Variants in ACCSL observed in about 807,000 individuals in gnomAD.
ACCSL encodes the protein 1-aminocyclopropane-1-carboxylate synthase homolog (inactive) like.
Under a neutral mutation model 61.7 loss-of-function variants are expected in ACCSL, and 55 were observed. The ratio of observed to expected loss-of-function variants is 0.89; its 90% CI spans 0.72 to 1.12. The LOEUF (loss-of-function observed/expected upper bound fraction) is 1.12, where lower values mean the gene tolerates loss of function less well. Among genes scored for constraint, ACCSL ranks in the 50% most tolerant of loss-of-function variants. The pLI is 0.00. For missense variants in ACCSL, 632 were observed against 698.0 expected (o/e 0.91, Z 1.07); for synonymous variants, 258 against 264.3 (o/e 0.98, Z 0.23).
intron 11 of ACCSL, among the ~76,000 whole-genome samples, chr11:44,056,570 C>T (rs931807026): frequency 3.9e-5 from 6 of 152,168 alleles, no homozygotes; most frequent in Non-Finnish European, 5.9e-5. Flanking sequence ...TGGTGGCTCA[C>T]GCCTGTAATC....
At chr11:43,924,799 C>T in the ACCSL span, among the ~76,000 whole-genome samples, 117 of 152,332 alleles carry the variant, frequency 7.7e-4, no homozygotes, top group Middle Eastern at 3.4e-3. Context: ...GGGGTGAACC[C>T]ACCAAAGGCG....
At chr11:43,974,763 C>T in the ACCSL span, among the ~76,000 whole-genome samples, 7,414 of 152,246 alleles carry the variant, frequency 0.049, 297 homozygotes, top group Non-Finnish European at 0.068. Context: ...TGAAAACCTA[C>T]GGCCAACAGC....
chr11:43,969,592 T>G, the ACCSL span, among the ~76,000 whole-genome samples: 1 of 152,026 alleles, frequency 6.6e-6, no homozygotes, highest in African/African-American at 2.4e-5. Context: ...CCTTCCTTTT[T>G]CCCTGTGGTG....
the ACCSL span, among the ~76,000 whole-genome samples, chr11:44,037,028 G>A: frequency 6.6e-6 from 1 of 152,154 alleles, no homozygotes; most frequent in South Asian, 2.1e-4. Flanking sequence ...TATGCAATCT[G>A]GAGGGATGGG....
Position 44,056,232 on chromosome 11 carries a change from C to A in ACCSL, c.1233C>A (p.Asn411Lys), listed in dbSNP as rs368433803. Residue 411 changes from asparagine (N) to lysine (K), a missense_variant, in exon 11 of 14, where the codon AAC becomes AAA. Transcript: ENST00000378832. ...GCTTTGGTGCTCTGTATACCCACAA[C>A]AAGGAGGTGGCCTCTGCTGTGAGTG... ...GFRFGALYTH[N>K]KEVASAVSAF... 6.2e-7 allele frequency: 1 copy of A among 1,614,232 alleles called. No individual in the cohort carries two copies. Among genetic ancestry groups the A allele is most frequent in the African/African-American group, 1.3e-5 (1 of 75,058 alleles).
chr11:43,956,204 C>G, the ACCSL span, among the ~76,000 whole-genome samples: 1 of 151,914 alleles, frequency 6.6e-6, no homozygotes, highest in Non-Finnish European at 1.5e-5. Flanking sequence ...GAACAGTTGG[C>G]TACAAACAGT....
the ACCSL span, among the ~76,000 whole-genome samples, chr11:43,966,027 A>G: frequency 6.6e-6 from 1 of 152,244 alleles, no homozygotes; most frequent in African/African-American, 2.4e-5. Flanking sequence ...CATAAGGGTA[A>G]GTCTTCACGA....
the ACCSL span, among the ~76,000 whole-genome samples, chr11:44,024,861 C>T: frequency 6.6e-6 from 1 of 151,894 alleles, no homozygotes; most frequent in African/African-American, 2.4e-5. Flanking sequence ...TATTTTGGGG[C>T]TGTTTGTTGG....
chr11:43,984,146 G>T, the ACCSL span, among the ~76,000 whole-genome samples: 1 of 151,952 alleles, frequency 6.6e-6, no homozygotes, highest in Non-Finnish European at 1.5e-5. Flanking sequence ...TTGCAAAGAC[G>T]CTGTGAGATG....
At chr11:43,999,022 C>T in the ACCSL span, among the ~76,000 whole-genome samples, 1 of 152,156 alleles carries the variant, frequency 6.6e-6, no homozygotes, top group African/African-American at 2.4e-5. Flanking sequence ...CCTGGCTTTA[C>T]TATTAGCTGT....
the ACCSL span, among the ~76,000 whole-genome samples, chr11:44,010,071 T>C: frequency 6.6e-6 from 1 of 152,222 alleles, no homozygotes; most frequent in Non-Finnish European, 1.5e-5. Flanking sequence ...CTGTGTGCAA[T>C]GGCTCATGCC....
At chr11:43,975,522 T>A in the ACCSL span, among the ~76,000 whole-genome samples, 1 of 152,164 alleles carries the variant, frequency 6.6e-6, no homozygotes, top group African/African-American at 2.4e-5. Context: ...ATAATATAGC[T>A]ACTAAGAAGC....
At position 44,053,012 on chromosome 11, in the gene ACCSL, C is replaced by T. The variant is rs1002656728; in HGVS notation, c.892C>T (p.Pro298Ser). The change falls in exon 7 of 14, where the codon CCT becomes TCT. Residue 298 changes from proline (P) to serine (S), a missense_variant. Pro to Ser is a moderately conservative substitution (Grantham distance 74, BLOSUM62 -1). Transcript: ENST00000378832. ...ESEVTVTNTH[P>S]FQLTVDKLEE... Reference sequence around the variant, plus strand: ...CCAGGTCACTGTTACAAACACCCATCCTTTCCAGCTCACTGTGGACAAGTT... The same window carrying T: ...CCAGGTCACTGTTACAAACACCCATTCTTTCCAGCTCACTGTGGACAAGTT... 3.1e-6 allele frequency: 5 copies of T among 1,614,048 alleles called. No individual in the cohort carries two copies. Among genetic ancestry groups the T allele is most frequent in the African/African-American group, 1.3e-5 (1 of 74,920 alleles).
chr11:44,051,468 G>A, intron 4 of ACCSL, 64 bp downstream of exon 4: 1 of 1,595,324 alleles, frequency 6.3e-7, no homozygotes, highest in Non-Finnish European at 8.6e-7. Context: ...AGGATGCTCT[G>A]CCCTTTCTAG....
chr11:44,030,326 A>C, the ACCSL span, among the ~76,000 whole-genome samples: 1 of 151,002 alleles, frequency 6.6e-6, no homozygotes, highest in African/African-American at 2.4e-5. Context: ...CTAAAACCCC[A>C]GATTGTAGAG....
rs377121273 is a variant in ACCSL, at chr11:44,051,405, G to A, written c.705+1G>A. The A allele has an allele frequency of 5.6e-6, 9 of 1,614,176 alleles. No individual in the cohort carries two copies. Among genetic ancestry groups the A allele is most frequent in the East Asian group, 4.5e-5 (2 of 44,876 alleles). Reference sequence around the variant, plus strand: ...ACCTACCCGACTTGACCCAGAAAATGTGAGTCAGTTTCCCAGCCTTGCTGC... The same window carrying A: ...ACCTACCCGACTTGACCCAGAAAATATGAGTCAGTTTCCCAGCCTTGCTGC... On this transcript the variant is annotated splice_donor_variant, in intron 4 of 13. Coordinates refer to ENST00000378832, the MANE Select transcript of ACCSL (RefSeq NM_001031854.2). LOFTEE classifies it high-confidence loss of function.
the ACCSL span, chr11:43,922,294 T>TAA: frequency 6.6e-6 from 1 of 152,226 alleles, no homozygotes; most frequent in African/African-American, 2.4e-5. Flanking sequence ...ACAGGGCTTG[T>TAA]AGTGGCAGAA....
chr11:44,048,318 G>T lies in ACCSL; in HGVS notation c.282G>T (p.Val94=), dbSNP rs369721305. The T allele has an allele frequency of 3.1e-6, 5 of 1,614,040 alleles. No individual in the cohort carries two copies. In the East Asian group the frequency reaches 1.1e-4, roughly 36 times the overall value. Residue 94 remains valine (V), a synonymous_variant, in exon 1 of 14, where the codon GTG becomes GTT. Coordinates refer to ENST00000378832, the MANE Select transcript of ACCSL (RefSeq NM_001031854.2). ...SGAASGLELQ[V]PLPSEDSRGD... ...CCGCGAGTGGCCTGGAGCTCCAAGT[G>T]CCTCTTCCTTCTGAGGACTCTAGGG...
chr11:44,052,449 G>A (rs537304028), intron 5 of ACCSL, among the ~76,000 whole-genome samples: 31 of 152,300 alleles, frequency 2.0e-4, no homozygotes, highest in Middle Eastern at 3.4e-3. Flanking sequence ...TAGTGTACCC[G>A]CAAAGAAGAA....
Sources: gnomAD v4.1 joint callset for allele counts (sites outside exome capture counted in the v4.1 genomes callset) on GRCh38, gnomAD v4.1.1 for gene constraint, MANE v1.5 for transcripts, NCBI Gene and HGNC (gene_info 2026-07-23, HGNC 2026-07-21) for gene names.